The following CARS1 variants were observed in gnomAD, a reference collection of about 807,000 sequenced individuals.
CARS1 encodes the protein cysteine--tRNA ligase, cytoplasmic.
Under a neutral mutation model 106.2 loss-of-function variants are expected in CARS1, and 48 were observed. That is an observed-to-expected ratio of 0.45 (90% CI 0.36 to 0.57). The LOEUF (loss-of-function observed/expected upper bound fraction) is 0.57, where lower values mean the gene tolerates loss of function less well. Among genes scored for constraint, CARS1 ranks in the 20% least tolerant of loss-of-function variants. The pLI is 0.00. For synonymous variants in CARS1, 409 were observed against 403.4 expected, an observed-to-expected ratio of 1.01 and a Z score of -0.17; for missense variants, 968 against 1,057.2, an observed-to-expected ratio of 0.92 and a Z score of 1.17.
Position 3,003,396 on chromosome 11 carries a change from GT to G in CARS1, c.2218-797del, listed in dbSNP as rs1245142762. 6.6e-6 allele frequency among the ~76,000 whole-genome samples: 1 copy of G among 152,204 alleles called. No individual in the cohort carries two copies. On this transcript the variant is annotated intron_variant, in intron 20 of 22. Coordinates refer to ENST00000380525, the MANE Select transcript of CARS1 (RefSeq NM_001014437.3). This position sits in a 1 kb window ranked among gnomAD's most constrained non-coding sequence, Gnocchi z 4.8. ...CAGGAAGGAGGAACAAGTTTGGGGAGTTGAAAATCACATTTACTTTGGACAG... is the reference window on the plus strand; with the variant it reads ...CAGGAAGGAGGAACAAGTTTGGGGAGTGAAAATCACATTTACTTTGGACAG...
chr11:3,001,343 C>A, intron 22 of CARS1, 95 bp from the exon 23 acceptor site: 1 of 1,431,184 alleles, frequency 7.0e-7, no homozygotes, highest in Non-Finnish European at 9.6e-7. Context: ...GTGTCTATCT[C>A]CCTGATGCAG....
intron 9 of CARS1, chr11:3,027,616 A>C (rs1371195305): frequency 1.5e-5 from 3 of 200,402 alleles, no homozygotes; most frequent in African/African-American, 6.7e-5. Flanking sequence ...TTCCAATATT[A>C]TAATAATCCT....
intron 1 of CARS1, among the ~76,000 whole-genome samples, chr11:3,051,310 C>T (rs1205917169): frequency 3.9e-5 from 6 of 152,324 alleles, no homozygotes; most frequent in African/African-American, 7.2e-5. Flanking sequence ...TGGGGGGTGC[C>T]GGGAGCTCTT....
rs554960152 is a variant in CARS1, at chr11:3,040,998, G to A, written c.367-14C>T. The A allele has an allele frequency of 6.2e-7, 1 of 1,613,954 alleles. No individual in the cohort carries two copies. Among genetic ancestry groups the A allele is most frequent in the African/African-American group, 1.3e-5 (1 of 75,056 alleles). ...TATGAACACTTCCTTTGTTAGGAAT[G>A]AAGGAATGACGATCACAAGAAATGC... On this transcript the variant is annotated splice_polypyrimidine_tract_variant and intron_variant, in intron 3 of 22. Transcript: ENST00000380525. The surrounding 1 kb of genome is among the most constrained non-coding windows in gnomAD (Gnocchi z 5.8).
intron 13 of CARS1, 38 bp from the exon 14 acceptor site, chr11:3,018,549 C>G (rs1184375939): frequency 1.9e-6 from 3 of 1,612,622 alleles, no homozygotes; most frequent in Admixed American, 3.3e-5. Flanking sequence ...CCCTTATTCT[C>G]CCGAGTGCTA....
At position 3,006,930 on chromosome 11, in the gene CARS1, G is replaced by A. The variant is rs777603786; in HGVS notation, c.2098C>T (p.Leu700=). ...VPEILQLSDA[L]RDNILPELGV... is the part of the protein sequence containing the mutation. ...AGCTCGGGCAGGATGTTGTCCCGCA[G>A]GGCATCGCTGAGCTGCAGAATCTCA... is the stretch of plus-strand genomic sequence containing the variant. The change falls in exon 19 of 23, where the codon CTG becomes TTG. Residue 700 remains leucine (L), a synonymous_variant. Coordinates refer to ENST00000380525, the MANE Select transcript of CARS1 (RefSeq NM_001014437.3). The A allele has an allele frequency of 3.3e-5, 53 of 1,613,994 alleles. No individual in the cohort carries two copies. The highest frequency in any genetic ancestry group is 4.3e-5 in the Non-Finnish European group (51 of 1,180,030).
chr11:3,026,236 G>A (rs1852062527), intron 10 of CARS1, among the ~76,000 whole-genome samples: 1 of 152,128 alleles, frequency 6.6e-6, no homozygotes, highest in Non-Finnish European at 1.5e-5. Flanking sequence ...TGGTTTCTAG[G>A]CACAAACACA....
Position 3,039,360 on chromosome 11 carries a change from ACTCT to A in CARS1, c.553-72_553-69del. On this transcript the variant is annotated intron_variant, in intron 5 of 22. Coordinates refer to ENST00000380525, the MANE Select transcript of CARS1 (RefSeq NM_001014437.3). The surrounding 1 kb of genome is among the most constrained non-coding windows in gnomAD (Gnocchi z 5.6). The stretch of plus-strand genomic sequence containing the variant: ...CACATGCATCCCTCTGCAGCAGGCC[ACTCT>A]CTCCCTTGGCCAACTCTAAGTGAGG... 1.0e-6 allele frequency: 1 copy of A among 1,003,828 alleles called. No homozygotes were observed. The highest frequency in any genetic ancestry group is 1.6e-6 in the Non-Finnish European group (1 of 631,532). The allele number at this position is 1,003,828 out of a possible 1,614,324, so 62.2% of individuals were successfully genotyped here.
In CARS1 at chr11:3,039,569, T is replaced by C. The variant is rs974709769; in HGVS notation, c.552+266A>G. On this transcript the variant is annotated intron_variant, in intron 5 of 22. Coordinates refer to ENST00000380525, the MANE Select transcript of CARS1 (RefSeq NM_001014437.3). This position sits in a 1 kb window ranked among gnomAD's most constrained non-coding sequence, Gnocchi z 5.6. ...CCTGCAAGCCACATGTCGAAGTGCG[T>C]GCTGTGGGAGGCCTTCCTTCTGCAA... is the stretch of plus-strand genomic sequence containing the variant. Among the ~76,000 whole-genome samples the C allele has an allele frequency of 9.9e-5, 15 of 152,200 alleles. No homozygotes were observed. The highest frequency in any genetic ancestry group is 3.6e-4 in the African/African-American group (15 of 41,448).
intron 18 of CARS1, chr11:3,007,771 C>T (rs1850039492): frequency 6.6e-6 from 1 of 152,240 alleles, no homozygotes; most frequent in African/African-American, 2.4e-5. Context: ...TGCAGACTTG[C>T]CCGGCATCCC....
In CARS1 at chr11:3,041,135, T is replaced by G; in HGVS notation, c.367-151A>C. On this transcript the variant is annotated intron_variant, in intron 3 of 22. Transcript: ENST00000380525. The surrounding 1 kb of genome is among the most constrained non-coding windows in gnomAD (Gnocchi z 4.9). ...TTTGTTTTACTGTGAAAAGTCACAG[T>G]CTCAGTGGGAGCCCAGTGAGATGTA... 2 of 1,293,148 alleles carry G rather than the reference T, an allele frequency of 1.5e-6. No individual in the cohort carries two copies. The highest frequency in any genetic ancestry group is 2.1e-6 in the Non-Finnish European group (2 of 937,278). 80.1% of individuals were successfully genotyped at this position (1,293,148 alleles called of 1,614,324 possible). A position where few individuals can be genotyped will look rare whatever the true frequency, so the allele number is the denominator to read the frequency against.
Position 3,029,355 on chromosome 11 carries a change from T to C in CARS1, c.890A>G (p.Lys297Arg). The stretch of plus-strand genomic sequence containing the variant: ...GTCCCCCTCCCAGAACTTGGGCAGC[T>C]TGGAGAAGATGGAATTGTCAGTGAC... ...CDVTDNSIFS[K>R]LPKFWEGDFH... The change falls in exon 8 of 23, where the codon AAG becomes AGG. Residue 297 changes from lysine (K) to arginine (R), a missense_variant. Transcript: ENST00000380525. This position sits in a 1 kb window ranked among gnomAD's most constrained non-coding sequence, Gnocchi z 5.9. The C allele has an allele frequency of 1.2e-6, 2 of 1,614,116 alleles. No individual in the cohort carries two copies. Among genetic ancestry groups the C allele is most frequent in the South Asian group, 1.1e-5 (1 of 91,078 alleles).
At chr11:3,035,019 C>A (rs1346433142) in intron 7 of CARS1, among the ~76,000 whole-genome samples, 1 of 152,028 alleles carries the variant, frequency 6.6e-6, no homozygotes, top group Non-Finnish European at 1.5e-5. Context: ...TCTGTAACAG[C>A]CCCACTCTCA....
At chr11:3,002,687 C>G in intron 20 of CARS1, 87 bp from the exon 21 acceptor site, 3 of 1,589,600 alleles carry the variant, frequency 1.9e-6, no homozygotes, top group Non-Finnish European at 2.6e-6. Context: ...AAACAAGCCC[C>G]TCTCCTAGGG....
At chr11:3,011,879 C>T (rs1191902984) in intron 18 of CARS1, among the ~76,000 whole-genome samples, 2 of 152,206 alleles carry the variant, frequency 1.3e-5, no homozygotes, top group African/African-American at 4.8e-5. Flanking sequence ...ACCATTCTGC[C>T]TCGGCTCAGA....
Position 3,035,789 on chromosome 11 carries a change from T to C in CARS1, c.801+2261A>G, listed in dbSNP as rs181014247. ...GTGTGAGCCACTGTGCCTGGCCATA[T>C]AGACATTTCTGATATGGCTACTATG... On this transcript the variant is annotated intron_variant, in intron 7 of 22. Transcript: ENST00000380525. 3.2e-3 allele frequency among the ~76,000 whole-genome samples: 484 copies of C among 152,334 alleles called. 2 individuals carry two copies. Among genetic ancestry groups the C allele is most frequent in the Non-Finnish European group, 5.6e-3 (379 of 68,026 alleles).
Position 3,018,390 on chromosome 11 carries a change from A to G in CARS1, c.1629+18T>C. 6.4e-7 allele frequency: 1 copy of G among 1,570,558 alleles called. No homozygotes were observed. Among genetic ancestry groups the G allele is most frequent in the Non-Finnish European group, 8.8e-7 (1 of 1,141,322 alleles). On this transcript the variant is annotated intron_variant, in intron 14 of 22. Transcript: ENST00000380525. ...GGAGGCTGCTCCACCAACCTCCAGG[A>G]AGGGGCTGGGGACTCACATTCAAGA...
rs1325409433 is a variant in CARS1, at chr11:3,021,305, T to C, written c.1154-973A>G. Among the ~76,000 whole-genome samples, 1 of 152,236 alleles carries C rather than the reference T, an allele frequency of 6.6e-6. No individual in the cohort carries two copies. Among genetic ancestry groups the C allele is most frequent in the African/African-American group, 2.4e-5 (1 of 41,456 alleles). On this transcript the variant is annotated intron_variant, in intron 10 of 22. Coordinates refer to ENST00000380525, the MANE Select transcript of CARS1 (RefSeq NM_001014437.3). The surrounding 1 kb of genome is among the most constrained non-coding windows in gnomAD (Gnocchi z 5.3). ...GAGGTCTTCACTCTAGGCATAAGGT[T>C]ACCAGGACCCACGCCAGGTCTTGCC...
intron 17 of CARS1, among the ~76,000 whole-genome samples, chr11:3,012,858 T>C (rs921502123): frequency 2.0e-5 from 3 of 150,822 alleles, no homozygotes; most frequent in African/African-American, 7.3e-5. Context: ...GGCCACAGGA[T>C]AGAAAAACCT....
Sources: allele counts gnomAD v4.1 joint callset (sites outside exome capture counted in the v4.1 genomes callset), GRCh38; gene constraint gnomAD v4.1.1; non-coding constraint Gnocchi (gnomAD v3.1); transcripts MANE v1.5; gene names NCBI Gene and HGNC (gene_info 2026-07-23, HGNC 2026-07-21).